Variants in DNAH2 observed in about 807,000 individuals in gnomAD.
DNAH2 encodes the protein dynein axonemal heavy chain 2.
In DNAH2, 323 loss-of-function variants were observed where a neutral mutation model predicts 523.5. The observed-to-expected ratio is 0.62, with a 90% confidence interval of 0.56 to 0.68. The LOEUF is 0.68. Ranked by LOEUF, DNAH2 falls within the 30% of genes least tolerant of loss-of-function variation. The pLI, the probability that DNAH2 is intolerant of heterozygous loss-of-function variation, is 0.00. For synonymous variants in DNAH2, 2,093 were observed against 2,177.4 expected (o/e 0.96, Z 1.08); for missense variants, 4,907 against 5,701.5 (o/e 0.86, Z 4.49).
intron 5 of DNAH2, 63 bp from the exon 6 acceptor site, chr17:7,734,120 T>C (rs2075071274): frequency 7.0e-7 from 1 of 1,436,384 alleles, no homozygotes; most frequent in Admixed American, 2.1e-5. Flanking sequence ...TCAACCGTGA[T>C]TCCTACGGGG....
rs1351008443 is a variant in DNAH2, at chr17:7,754,809, C to T, written c.1905-2282C>T. 2 of 752,206 alleles carry T rather than the reference C, an allele frequency of 2.7e-6. No homozygotes were observed. Among genetic ancestry groups the T allele is most frequent in the Admixed American group, 1.9e-5 (1 of 53,094 alleles). 46.6% of individuals were successfully genotyped at this position (752,206 alleles called of 1,614,324 possible). A position where few individuals can be genotyped will look rare whatever the true frequency, so the allele number is the denominator to read the frequency against. Reference sequence around the variant, plus strand: ...TGCAGCTCCAGCTTCAGTTTCAGCTCAGGCTCCCAAAGCTGCCCAGTGCCC... The same window carrying T: ...TGCAGCTCCAGCTTCAGTTTCAGCTTAGGCTCCCAAAGCTGCCCAGTGCCC... On this transcript the variant is annotated intron_variant, in intron 12 of 85. Transcript: ENST00000572933. The surrounding 1 kb of genome is among the most constrained non-coding windows in gnomAD (Gnocchi z 4.6).
intron 7 of DNAH2, 127 bp downstream of exon 7, chr17:7,734,835 T>G: frequency 1.1e-6 from 1 of 923,524 alleles, no homozygotes; most frequent in Non-Finnish European, 1.7e-6. Context: ...CACCCAGGGT[T>G]CGGCCTTGTA....
chr17:7,807,904 G>A lies in DNAH2; in HGVS notation c.9729+318G>A, dbSNP rs541586434. 4.3e-4 allele frequency among the ~76,000 whole-genome samples: 65 copies of A among 152,340 alleles called. No individual in the cohort carries two copies. The highest frequency in any genetic ancestry group is 9.1e-4 in the African/African-American group (38 of 41,586). On this transcript the variant is annotated intron_variant, in intron 63 of 85. Transcript: ENST00000572933. This position sits in a 1 kb window ranked among gnomAD's most constrained non-coding sequence, Gnocchi z 5.6. ...TGAGATATTAACTGATGACATCTGCGTGGCAAATTGGTCTTTGCCAGAGGG... is the reference window on the plus strand; with the variant it reads ...TGAGATATTAACTGATGACATCTGCATGGCAAATTGGTCTTTGCCAGAGGG...
intron 12 of DNAH2, among the ~76,000 whole-genome samples, chr17:7,745,216 A>G (rs2075481334): frequency 1.3e-5 from 2 of 152,084 alleles, no homozygotes; most frequent in Admixed American, 6.6e-5. Flanking sequence ...GCTGGTCTTA[A>G]AATCCTGACC....
In DNAH2 at chr17:7,798,823, CA is replaced by C. The variant is rs371055501; in HGVS notation, c.8559+106del. On this transcript the variant is annotated intron_variant, in intron 55 of 85. Transcript: ENST00000572933. The surrounding 1 kb of genome is among the most constrained non-coding windows in gnomAD (Gnocchi z 5.5). ...TGTGCCACTGGCACACCCCCACTGC[CA>C]CACCCCCACTGCCCACCTCAGCCCT... 25 of 1,324,858 alleles carry C rather than the reference CA, an allele frequency of 1.9e-5. No individual in the cohort carries two copies. The highest frequency in any genetic ancestry group is 8.6e-5 in the Admixed American group (4 of 46,598). The allele number at this position is 1,324,858 out of a possible 1,614,324, so 82.1% of individuals were successfully genotyped here. A position where few individuals can be genotyped will look rare whatever the true frequency, so the allele number is the denominator to read the frequency against.
chr17:7,748,077 C>G (rs1335843889), intron 12 of DNAH2, among the ~76,000 whole-genome samples: 1 of 152,224 alleles, frequency 6.6e-6, no homozygotes, highest in African/African-American at 2.4e-5. Context: ...TCCCTAATAG[C>G]ACTGATTTAA....
Position 7,794,238 on chromosome 17 carries a change from T to C in DNAH2, c.7570-16T>C. The C allele has an allele frequency of 6.3e-7, 1 of 1,590,220 alleles. No homozygotes were observed. Among genetic ancestry groups the C allele is most frequent in the Non-Finnish European group, 8.6e-7 (1 of 1,167,718 alleles). ...TCCCCTCCTGCCTGTCTGCCCTCCT[T>C]GTCGCTGCTCTCTAGGAAATGTTCC... is the stretch of plus-strand genomic sequence containing the variant. On this transcript the variant is annotated splice_polypyrimidine_tract_variant and intron_variant, in intron 48 of 85. Transcript: ENST00000572933.
Position 7,719,795 on chromosome 17 carries a change from T to C in DNAH2, c.61T>C (p.Trp21Arg), listed in dbSNP as rs2074541554. The change falls in exon 2 of 86, where the codon TGG becomes CGG. Residue 21 changes from tryptophan (W) to arginine (R), a missense_variant. By Grantham distance (101) the Trp-to-Arg change is moderately radical. This residue lies in a region of DNAH2 where 2,806 missense variants were observed against 3,190.8 expected (regional missense o/e 0.88). Transcript: ENST00000572933. ...TGGCCGAGGAAGCTCCCAGGCAAGCTGGTCAGGGCGGGCCACTCGGGCTGC... is the reference window on the plus strand; with the variant it reads ...TGGCCGAGGAAGCTCCCAGGCAAGCCGGTCAGGGCGGGCCACTCGGGCTGC... The part of the protein sequence containing the change: ...LSGRGSSQAS[W>R]SGRATRAAVA... 6.2e-7 allele frequency: 1 copy of C among 1,614,020 alleles called. No homozygotes were observed. The highest frequency in any genetic ancestry group is 8.5e-7 in the Non-Finnish European group (1 of 1,179,974).
At position 7,733,475 on chromosome 17, in the gene DNAH2, C is replaced by CTTTTTTTTTTT. The variant is rs1199721840; in HGVS notation, c.628+170_628+180dup. Among the ~76,000 whole-genome samples, 10 of 113,862 alleles carry CTTTTTTTTTTT rather than the reference C, an allele frequency of 8.8e-5. 1 individual carries two copies. The highest frequency in any genetic ancestry group is 1.1e-4 in the Non-Finnish European group (6 of 52,468). 74.7% of individuals were successfully genotyped at this position (113,862 alleles called of 152,430 possible). ...AGGGTACAAGATCCGCCTTCTTCTT[C>CTTTTTTTTTTT]TTTTTTTTTTTTTTTTTTTTGAGAT... is the stretch of plus-strand genomic sequence containing the variant. On this transcript the variant is annotated intron_variant, in intron 5 of 85. Transcript: ENST00000572933.
At position 7,770,768 on chromosome 17, in the gene DNAH2, A is replaced by C; in HGVS notation, c.4197A>C (p.Val1399=). Residue 1399 remains valine, a synonymous_variant, in exon 27 of 86, where the codon GTA becomes GTC. Transcript: ENST00000572933. ...TGTGTCTCAGAGGTACAGAAGAAGT[A>C]TTCCAGGCACTGGAAGATAACCAGG... ...GHHRLRGTEE[V]FQALEDNQVA... 1.9e-6 allele frequency: 3 copies of C among 1,614,210 alleles called. No individual in the cohort carries two copies. Among genetic ancestry groups the C allele is most frequent in the Non-Finnish European group, 2.5e-6 (3 of 1,180,032 alleles).
Position 7,828,401 on chromosome 17 carries a change from T to C in DNAH2, c.11854-1899T>C, listed in dbSNP as rs1163759362. 6.6e-6 allele frequency among the ~76,000 whole-genome samples: 1 copy of C among 152,108 alleles called. No individual in the cohort carries two copies. The highest frequency in any genetic ancestry group is 1.5e-5 in the Non-Finnish European group (1 of 68,028). ...ATCAGTTTGGGGAAAATTCACATCC[T>C]TAGAACAATGAAACTCCTAATCTTT... On this transcript the variant is annotated intron_variant, in intron 77 of 85. Transcript: ENST00000572933. The surrounding 1 kb of genome is among the most constrained non-coding windows in gnomAD (Gnocchi z 4.1).
At chr17:7,721,128 C>T (rs2074591957) in intron 2 of DNAH2, among the ~76,000 whole-genome samples, 2 of 151,442 alleles carry the variant, frequency 1.3e-5, no homozygotes, top group Admixed American at 6.6e-5. Flanking sequence ...TGTGCCTCAG[C>T]CTCCCAAGTA....
chr17:7,799,364 C>A, intron 56 of DNAH2, 122 bp downstream of exon 56: 1 of 1,374,208 alleles, frequency 7.3e-7, no homozygotes, highest in Non-Finnish European at 9.9e-7. Flanking sequence ...CCGCCTCACC[C>A]ATCTCCTTTC....
chr17:7,727,532 C>T (rs780674327), intron 4 of DNAH2, among the ~76,000 whole-genome samples: 7 of 151,960 alleles, frequency 4.6e-5, no homozygotes, highest in Admixed American at 2.6e-4. Context: ...GGCGGGTGGG[C>T]GGATCATGAG....
At chr17:7,764,649 TG>T (rs1278348398) in intron 20 of DNAH2, among the ~76,000 whole-genome samples, 11 of 151,696 alleles carry the variant, frequency 7.3e-5, no homozygotes, top group Admixed American at 4.6e-4. Context: ...TTTGTAGGGA[TG>T]GGGGTCTCAT....
rs766781600 is a variant in DNAH2, at chr17:7,788,182, G to A, written c.6838G>A (p.Glu2280Lys). 1.1e-5 allele frequency: 17 copies of A among 1,612,420 alleles called. No individual in the cohort carries two copies. Among genetic ancestry groups the A allele is most frequent in the Middle Eastern group, 3.3e-4 (2 of 6,064 alleles). ...CTGCAAGGAGCTGGTGCCCCTGCCCGAGTACAGCGGTATCACCTCCCTCTG... is the reference window on the plus strand; with the variant it reads ...CTGCAAGGAGCTGGTGCCCCTGCCCAAGTACAGCGGTATCACCTCCCTCTG... ...DNCKELVPLP[E>K]YSGITSLCKL... is the part of the protein sequence containing the mutation. The change falls in exon 44 of 86, where the codon GAG (glutamate) becomes AAG (lysine). Residue 2280 changes from glutamate to lysine, a missense_variant. Physicochemically the swap from Glu to Lys is moderately conservative, Grantham distance 56. This residue lies in a region of DNAH2 where 2,806 missense variants were observed against 3,190.8 expected (regional missense o/e 0.88). Transcript: ENST00000572933.
chr17:7,796,116 T>C (rs2077056496), intron 49 of DNAH2, among the ~76,000 whole-genome samples: 1 of 149,468 alleles, frequency 6.7e-6, no homozygotes, highest in Non-Finnish European at 1.5e-5. Flanking sequence ...TGGCACGATG[T>C]TGGCTCACCG....
intron 28 of DNAH2, among the ~76,000 whole-genome samples, chr17:7,772,867 G>A (rs150886684): frequency 1.3e-5 from 2 of 152,208 alleles, no homozygotes; most frequent in Admixed American, 6.5e-5. Context: ...TCCACCTCCC[G>A]GTTCAAGCAA....
At chr17:7,766,239 C>A in intron 21 of DNAH2, 79 bp from the exon 22 acceptor site, 1 of 1,501,590 alleles carries the variant, frequency 6.7e-7, no homozygotes, top group Non-Finnish European at 9.1e-7. Context: ...TGAGATTTGC[C>A]CACAAAGAGA....
Sources: gnomAD v4.1 joint callset for allele counts (sites outside exome capture counted in the v4.1 genomes callset) on GRCh38, gnomAD v4.1.1 for gene constraint, gnomAD v4.1.1 regional missense constraint, Gnocchi (gnomAD v3.1) non-coding constraint, MANE v1.5 for transcripts, NCBI Gene and HGNC (gene_info 2026-07-23, HGNC 2026-07-21) for gene names.